MACROD2: variants seen among roughly 807,000 people sequenced by gnomAD.
MACROD2 encodes the protein ADP-ribose glycohydrolase MACROD2.
MACROD2 carries 36 observed loss-of-function variants against 70.4 expected under a neutral mutation model. That is an observed-to-expected ratio of 0.51 (90% CI 0.39 to 0.68). MACROD2 has a LOEUF of 0.68. Ranked by LOEUF, MACROD2 falls within the 30% of genes least tolerant of loss-of-function variation. The pLI is 0.00. For synonymous variants in MACROD2, 172 were observed against 178.8 expected, an observed-to-expected ratio of 0.96 and a Z score of 0.30; for missense variants, 496 against 538.4, an observed-to-expected ratio of 0.92 and a Z score of 0.78.
intron 5 of MACROD2, among the ~76,000 whole-genome samples, chr20:14,994,380 G>A (rs1319995288): frequency 6.6e-6 from 1 of 151,588 alleles, no homozygotes; most frequent in African/African-American, 2.4e-5. Flanking sequence ...TGTTAGGAAG[G>A]AAAAACGTTC....
At chr20:15,539,565 A>G (rs2047926147) in intron 8 of MACROD2, among the ~76,000 whole-genome samples, 1 of 152,180 alleles carries the variant, frequency 6.6e-6, no homozygotes, top group Non-Finnish European at 1.5e-5. Flanking sequence ...TTGAGTGGAG[A>G]TATTTTCACT....
chr20:15,134,196 T>G (rs1034486390), intron 5 of MACROD2, among the ~76,000 whole-genome samples: 1 of 141,990 alleles, frequency 7.0e-6, no homozygotes, highest in African/African-American at 2.5e-5. Flanking sequence ...TGAGCCACCG[T>G]GCCCGGCTCT....
In MACROD2 at chr20:14,437,603, A is replaced by T. The variant is rs192687105; in HGVS notation, c.272-55876A>T. 4.3e-3 allele frequency among the ~76,000 whole-genome samples: 648 copies of T among 152,120 alleles called. 1 individual carries two copies. Among genetic ancestry groups the T allele is most frequent in the African/African-American group, 0.013 (535 of 41,506 alleles). On this transcript the variant is annotated intron_variant, in intron 3 of 17. Coordinates refer to ENST00000684519, the MANE Select transcript of MACROD2 (RefSeq NM_001351661.2). ...AAGCAAAACTCCATCTCAAAAAAAAATTTTTTTCTCATTAAATATTTGTTA... is the reference window on the plus strand; with the variant it reads ...AAGCAAAACTCCATCTCAAAAAAAATTTTTTTTCTCATTAAATATTTGTTA...
chr20:15,758,471 C>T (rs1311502313), intron 8 of MACROD2, among the ~76,000 whole-genome samples: 3 of 151,530 alleles, frequency 2.0e-5, no homozygotes, highest in Admixed American at 6.6e-5. Context: ...ACCTCCTGAC[C>T]CCAAGTGATC....
intron 3 of MACROD2, among the ~76,000 whole-genome samples, chr20:14,155,781 C>T (rs1007646273): frequency 6.6e-6 from 1 of 152,040 alleles, no homozygotes; most frequent in Non-Finnish European, 1.5e-5. Context: ...GAATTAATTT[C>T]TATTATTAAT....
chr20:15,453,370 CT>C (rs1192238817), intron 7 of MACROD2, among the ~76,000 whole-genome samples: 1 of 152,066 alleles, frequency 6.6e-6, no homozygotes, highest in African/African-American at 2.4e-5. Context: ...CAGATGTGAT[CT>C]TACCAGAAAA....
At chr20:14,370,606 T>C (rs997073913) in intron 3 of MACROD2, among the ~76,000 whole-genome samples, 2 of 152,168 alleles carry the variant, frequency 1.3e-5, no homozygotes, top group African/African-American at 2.4e-5. Context: ...TAGTTTTAAT[T>C]AAATTTGCTG....
At chr20:14,114,540 G>A (rs1424307863) in intron 3 of MACROD2, among the ~76,000 whole-genome samples, 2 of 152,050 alleles carry the variant, frequency 1.3e-5, no homozygotes, top group East Asian at 1.9e-4. Context: ...GAGGGTGATA[G>A]GGATGAAGTG....
intron 5 of MACROD2, among the ~76,000 whole-genome samples, chr20:14,782,660 A>G (rs1448041050): frequency 1.3e-5 from 2 of 152,118 alleles, no homozygotes; most frequent in African/African-American, 4.8e-5. Flanking sequence ...TCCCAGTTTC[A>G]GAGACCTCCA....
At chr20:14,110,976 A>G (rs1269284763) in intron 3 of MACROD2, among the ~76,000 whole-genome samples, 1 of 152,048 alleles carries the variant, frequency 6.6e-6, no homozygotes, top group Non-Finnish European at 1.5e-5. Context: ...GACTTAAATT[A>G]TACTGCAGAG....
chr20:14,401,786 A>C (rs1298238032), intron 3 of MACROD2, among the ~76,000 whole-genome samples: 1 of 145,836 alleles, frequency 6.9e-6, no homozygotes, highest in Non-Finnish European at 1.6e-5. Context: ...CATATACTTT[A>C]GTTTCATCTT....
chr20:15,052,471 T>C (rs1946684724), intron 5 of MACROD2, among the ~76,000 whole-genome samples: 1 of 152,232 alleles, frequency 6.6e-6, no homozygotes, highest in African/African-American at 2.4e-5. Flanking sequence ...TATCTCAAAC[T>C]TTTTTGTTAT....
rs2046094959 is a variant in MACROD2, at chr20:15,412,702, C to CA, written c.541-18702dup. On this transcript the variant is annotated intron_variant, in intron 6 of 17. Transcript: ENST00000684519. ...CCTCTTAAAGCCAGAAAAATGGCCC[C>CA]AGTGAGCTCTCTCATGATCAGTTCA... is the stretch of plus-strand genomic sequence containing the variant. Among the ~76,000 whole-genome samples, 4 of 152,152 alleles carry CA rather than the reference C, an allele frequency of 2.6e-5. No homozygotes were observed. In the South Asian group the frequency reaches 8.3e-4, roughly 32 times the overall value.
At chr20:15,439,492 C>T (rs550648398) in intron 7 of MACROD2, among the ~76,000 whole-genome samples, 73 of 152,300 alleles carry the variant, frequency 4.8e-4, no homozygotes, top group Middle Eastern at 3.4e-3. Context: ...CCTGGCCAGG[C>T]GCCAGTACTT....
At chr20:14,119,145 G>T (rs2054549953) in intron 3 of MACROD2, among the ~76,000 whole-genome samples, 1 of 144,996 alleles carries the variant, frequency 6.9e-6, no homozygotes, top group African/African-American at 2.5e-5. Flanking sequence ...ACCGCGCCTG[G>T]CCAAATGACT....
intron 4 of MACROD2, among the ~76,000 whole-genome samples, chr20:14,638,880 G>T (rs868262857): frequency 1.3e-5 from 2 of 151,748 alleles, no homozygotes; most frequent in Admixed American, 6.6e-5. Flanking sequence ...AACCCAAGAG[G>T]TGGAGGTTGC....
At chr20:14,545,893 A>G (rs1052576036) in intron 4 of MACROD2, among the ~76,000 whole-genome samples, 1 of 152,214 alleles carries the variant, frequency 6.6e-6, no homozygotes, top group Non-Finnish European at 1.5e-5. Flanking sequence ...ATCTGTATAC[A>G]TGTGCACATA....
chr20:14,839,668 A>T (rs1235459005), intron 5 of MACROD2, among the ~76,000 whole-genome samples: 1 of 152,098 alleles, frequency 6.6e-6, no homozygotes, highest in East Asian at 1.9e-4. Flanking sequence ...TTAACATGAT[A>T]CTGGTGGACA....
rs1207940158 is a variant in MACROD2 at position 14,035,868 on chromosome 20, C to T, written c.163+33464C>T. 2.6e-5 allele frequency among the ~76,000 whole-genome samples: 4 copies of T among 152,330 alleles called. No homozygotes were observed. The East Asian group carries it at 7.7e-4, about 29-fold the overall frequency. On this transcript the variant is annotated intron_variant, in intron 2 of 17. Coordinates refer to ENST00000684519, the MANE Select transcript of MACROD2 (RefSeq NM_001351661.2). ...ACCATTAAGATAGACAGCGGCTGGG[C>T]GCGGTGGCTGACGCCTGTAATCCCA...
Sources: allele counts gnomAD v4.1 joint callset (sites outside exome capture counted in the v4.1 genomes callset), GRCh38; gene constraint gnomAD v4.1.1; transcripts MANE v1.5; gene names NCBI Gene and HGNC (gene_info 2026-07-23, HGNC 2026-07-21).